MED16: variants seen among roughly 807,000 people sequenced by gnomAD.
MED16 encodes the protein mediator complex subunit 16, also known as mediator of RNA polymerase II transcription subunit 16.
In MED16, 81 loss-of-function variants were observed where a neutral mutation model predicts 84.4. The observed-to-expected ratio is 0.96, with a 90% CI of 0.80 to 1.15. MED16 has a LOEUF of 1.15. Ranked by LOEUF, MED16 falls within the 50% of genes most tolerant of loss-of-function variation. The pLI, the probability that MED16 is intolerant of heterozygous loss-of-function variation, is 0.00. For missense variants in MED16, 1,585 were observed against 1,245.9 expected (o/e 1.27, Z -4.10); for synonymous variants, 897 against 552.2 (o/e 1.62, Z -8.76).
intron 2 of MED16, 50 bp from the exon 3 acceptor site, chr19:890,294 C>T (rs539700107): frequency 2.0e-5 from 25 of 1,263,282 alleles, no homozygotes; most frequent in South Asian, 4.4e-5. Context: ...AGCCTGCAGA[C>T]GATGACGATG....
intron 12 of MED16, 134 bp from the exon 13 acceptor site, chr19:871,387 C>G (rs1568318706): frequency 7.6e-7 from 1 of 1,307,796 alleles, no homozygotes. Context: ...GCTGGGTGAC[C>G]CCGGGGTTCT....
intron 1 of MED16, 84 bp downstream of exon 1, chr19:893,002 A>G: frequency 6.6e-6 from 1 of 151,902 alleles, no homozygotes; most frequent in South Asian, 1.8e-4. Flanking sequence ...AGGCCCCGCC[A>G]CGGCTGCGCC....
chr19:886,399 G>T (rs1028337090), intron 4 of MED16, among the ~76,000 whole-genome samples, 198 bp from the exon 5 acceptor site: 1 of 152,268 alleles, frequency 6.6e-6, no homozygotes, highest in African/African-American at 2.4e-5. Context: ...TAAGGTGGAA[G>T]GAACGGCACC....
At chr19:877,329 G>C (rs549556529) in intron 8 of MED16, 149 bp from the exon 9 acceptor site, 92 of 732,262 alleles carry the variant, frequency 1.3e-4, no homozygotes, top group African/African-American at 9.9e-4. Flanking sequence ...TGTGTCTGTA[G>C]CGTCTGTACC....
Position 881,617 on chromosome 19 carries a change from G to A in MED16, c.1083C>T (p.Ile361=), listed in dbSNP as rs768111289. 6.2e-7 allele frequency: 1 copy of A among 1,612,770 alleles called. No homozygotes were observed. Among genetic ancestry groups the A allele is most frequent in the East Asian group, 2.2e-5 (1 of 44,888 alleles). The part of the protein sequence containing the change: ...VSAVALPKLP[I]SLTNTDLKVA... ...CCTTGAGGTCGGTGTTGGTGAGCGA[G>A]ATGGGCAGCTTGGGCAGCGCCACGG... The change falls in exon 7 of 16, where the codon ATC becomes ATT. Residue 361 remains isoleucine (I), a synonymous_variant. Coordinates refer to ENST00000325464, the MANE Select transcript of MED16 (RefSeq NM_005481.3).
chr19:886,257 A>G (rs2930900), intron 4 of MED16, 56 bp from the exon 5 acceptor site: 269,351 of 1,414,334 alleles, frequency 0.19, 26,528 homozygotes, highest in Middle Eastern at 0.23. Context: ...GGGCTGCCCC[A>G]TGACCCCCAG....
chr19:868,975 G>C lies in MED16; in HGVS notation c.2316-29C>G, dbSNP rs561020858. ...GCGGGAGAGGGGAGAACGTGAGGGA[G>C]GCCTGGGCACCACGAGGCCAGGTTC... On this transcript the variant is annotated intron_variant, in intron 13 of 15. Transcript: ENST00000325464. 5.9e-6 allele frequency: 9 copies of C among 1,517,184 alleles called. No individual in the cohort carries two copies. The African/African-American group carries it at 1.2e-4, about 21-fold the overall frequency. 94.0% of individuals were successfully genotyped at this position (1,517,184 alleles called of 1,614,324 possible). A position where few individuals can be genotyped will look rare whatever the true frequency, so the allele number is the denominator to read the frequency against.
At chr19:885,201 A>C (rs2036501285) in intron 5 of MED16, among the ~76,000 whole-genome samples, 193 bp from the exon 6 acceptor site, 1 of 152,120 alleles carries the variant, frequency 6.6e-6, no homozygotes, top group South Asian at 2.1e-4. Flanking sequence ...CAGGAACGCA[A>C]ATGTCCCCGG....
intron 3 of MED16, 105 bp from the exon 4 acceptor site, chr19:889,912 G>T: frequency 7.4e-7 from 1 of 1,357,868 alleles, no homozygotes; most frequent in South Asian, 1.4e-5. Flanking sequence ...GAGAGGTCTC[G>T]GCCCAGGTAG....
intron 8 of MED16, among the ~76,000 whole-genome samples, chr19:878,515 T>G: frequency 1.1e-5 from 1 of 93,796 alleles, no homozygotes; most frequent in Non-Finnish European, 2.0e-5. Context: ...CAGCCCCACG[T>G]GCCCCAGCAG....
chr19:883,547 C>T (rs1212951995), intron 6 of MED16, among the ~76,000 whole-genome samples: 1 of 152,094 alleles, frequency 6.6e-6, no homozygotes, highest in African/African-American at 2.4e-5. Context: ...CCAGTGACCC[C>T]CAGCTGCCAG....
intron 6 of MED16, among the ~76,000 whole-genome samples, chr19:882,277 G>A (rs900356385): frequency 6.6e-6 from 1 of 152,220 alleles, no homozygotes. Context: ...GGAAGCCAAC[G>A]CCAGAGGATG....
intron 8 of MED16, among the ~76,000 whole-genome samples, chr19:879,265 G>T (rs1220193918): frequency 6.8e-6 from 1 of 146,544 alleles, no homozygotes; most frequent in South Asian, 2.2e-4. Context: ...GCCTTCCTCT[G>T]GTTGTCAATG....
chr19:892,221 C>T (rs1414301209), intron 1 of MED16: 1 of 165,622 alleles, frequency 6.0e-6, no homozygotes, highest in Non-Finnish European at 1.3e-5. Flanking sequence ...CCCCGGCTCC[C>T]TACTTCTTCA....
At chr19:869,700 G>C (rs76092252) in intron 13 of MED16, among the ~76,000 whole-genome samples, 8,845 of 152,194 alleles carry the variant, frequency 0.058, 385 homozygotes, top group African/African-American at 0.12. Flanking sequence ...GCCGAGCCGG[G>C]GCCTTCCCCG....
intron 7 of MED16, among the ~76,000 whole-genome samples, chr19:880,700 G>A (rs2036402512): frequency 6.6e-6 from 1 of 152,162 alleles, no homozygotes; most frequent in African/African-American, 2.4e-5. Flanking sequence ...CGGGCAGATT[G>A]CCTGAGCTCA....
rs2145197192 is a variant in MED16, at chr19:872,366, G to GT, written c.1906-249_1906-248insA. Reference sequence around the variant, plus strand: ...CATCCCTGAGAGTCCACAAGACTAAGACGAGGCTCTGGCTGAGGCCAATAT... The same window carrying GT: ...CATCCCTGAGAGTCCACAAGACTAAGTACGAGGCTCTGGCTGAGGCCAATAT... On this transcript the variant is annotated intron_variant, in intron 11 of 15. Coordinates refer to ENST00000325464, the MANE Select transcript of MED16 (RefSeq NM_005481.3). 2.0e-5 allele frequency among the ~76,000 whole-genome samples: 3 copies of GT among 152,166 alleles called. No homozygotes were observed. In the South Asian group the frequency reaches 6.2e-4, roughly 32 times the overall value.
chr19:877,244 A>AATGGGGCC, intron 8 of MED16, 64 bp from the exon 9 acceptor site: 4 of 1,509,454 alleles, frequency 2.6e-6, no homozygotes, highest in African/African-American at 1.4e-5. Context: ...CCGGGAGAGG[A>AATGGGGCC]ATGGGGCCCT....
rs182675080 is a variant in MED16 at position 875,460 on chromosome 19, G to C, written c.1561-6C>G. On this transcript the variant is annotated splice_polypyrimidine_tract_variant and splice_region_variant and intron_variant, in intron 9 of 15. Coordinates refer to ENST00000325464, the MANE Select transcript of MED16 (RefSeq NM_005481.3). The stretch of plus-strand genomic sequence containing the variant: ...AGGATCCGGGTGGAGAGGACCTGAG[G>C]GCAGGAAGCCAGGTCACCCCAAGGG... The C allele has an allele frequency of 1.3e-5, 20 of 1,596,568 alleles. No individual in the cohort carries two copies. Among genetic ancestry groups the C allele is most frequent in the Non-Finnish European group, 1.5e-5 (18 of 1,178,204 alleles).
Sources: gnomAD v4.1 joint callset for allele counts (sites outside exome capture counted in the v4.1 genomes callset) on GRCh38, gnomAD v4.1.1 for gene constraint, MANE v1.5 for transcripts, NCBI Gene and HGNC (gene_info 2026-07-23, HGNC 2026-07-21) for gene names.